KLHL26: variants seen among roughly 807,000 people sequenced by gnomAD.
The protein encoded by KLHL26 is kelch like family member 26, also known as kelch-like protein 26.
KLHL26 carries 4 observed loss-of-function variants against 7.1 expected under a neutral mutation model. The observed-to-expected ratio is 0.56, with a 90% confidence interval of 0.28 to 1.28. KLHL26 has a LOEUF of 1.28. Ranked by LOEUF, KLHL26 falls within the 50% of genes most tolerant of loss-of-function variation. The probability of loss-of-function intolerance (pLI) is 0.11; values close to 1 mark genes in which losing one functional copy is unlikely to be tolerated. For missense variants in KLHL26, 896 were observed against 924.6 expected, an observed-to-expected ratio of 0.97 and a Z score of 0.40; for synonymous variants, 465 against 414.1, an observed-to-expected ratio of 1.12 and a Z score of -1.49.
At position 18,648,449 on chromosome 19, in the gene KLHL26, G is replaced by C. The variant is rs1302542039; in HGVS notation, c.83+11312G>C. On this transcript the variant is annotated intron_variant, in intron 1 of 2. Coordinates refer to ENST00000300976, the MANE Select transcript of KLHL26 (RefSeq NM_018316.3). The surrounding 1 kb of genome is among the most constrained non-coding windows in gnomAD (Gnocchi z 4.9). ...GCACACGCAGGCTTGGGGATGCCTG[G>C]AGGTTGAGCTTGTGCTGACTGATAG... Among the ~76,000 whole-genome samples the C allele has an allele frequency of 6.6e-6, 1 of 152,202 alleles. No homozygotes were observed. The highest frequency in any genetic ancestry group is 2.4e-5 in the African/African-American group (1 of 41,460).
intron 1 of KLHL26, among the ~76,000 whole-genome samples, chr19:18,658,168 G>T (rs2052353655): frequency 6.6e-6 from 1 of 152,192 alleles, no homozygotes; most frequent in African/African-American, 2.4e-5. Flanking sequence ...CTTGGAGAGG[G>T]ATACTGAGCC....
Position 18,669,004 on chromosome 19 carries a change from C to T in KLHL26, c.1607C>T (p.Thr536Met), listed in dbSNP as rs201261086. ...VLAVEYYVPE[T>M]DQWTSVSPMR... is the part of the protein sequence containing the mutation. The stretch of plus-strand genomic sequence containing the variant: ...GCTGTGGAGTACTATGTGCCGGAGA[C>T]GGACCAGTGGACCAGCGTGAGCCCC... Residue 536 changes from threonine (T) to methionine (M), a missense_variant, in exon 3 of 3, where the codon ACG becomes ATG. By Grantham distance (81) the Thr-to-Met change is moderately conservative (BLOSUM62 -1). Transcript: ENST00000300976. The T allele has an allele frequency of 3.1e-6, 5 of 1,612,668 alleles. No homozygotes were observed. The Admixed American group carries it at 6.7e-5, about 21-fold the overall frequency.
rs80128731 is a variant in KLHL26 at position 18,658,404 on chromosome 19, C to T, written c.84-5857C>T. Among the ~76,000 whole-genome samples the T allele has an allele frequency of 2.7e-3, 405 of 152,178 alleles. 2 individuals are homozygous for T. The highest frequency in any genetic ancestry group is 4.2e-3 in the Non-Finnish European group (285 of 67,982). On this transcript the variant is annotated intron_variant, in intron 1 of 2. Transcript: ENST00000300976. ...CCCACACTGCCTGGTCGCTGTCACC[C>T]CCACCCCTGCCACCATTTCTGCTTC...
At chr19:18,642,421 G>A (rs1976730155) in intron 1 of KLHL26, among the ~76,000 whole-genome samples, 1 of 151,164 alleles carries the variant, frequency 6.6e-6, no homozygotes, top group African/African-American at 2.4e-5. Context: ...AGGCTGGAGT[G>A]CAGTGGCATG....
chr19:18,639,817 A>G (rs188735479), intron 1 of KLHL26, among the ~76,000 whole-genome samples: 131 of 152,194 alleles, frequency 8.6e-4, no homozygotes, highest in Non-Finnish European at 1.5e-3. Flanking sequence ...CTCGTCTGCA[A>G]TTAACCCTGC....
At chr19:18,639,625 A>G (rs1439601709) in intron 1 of KLHL26, among the ~76,000 whole-genome samples, 6 of 148,360 alleles carry the variant, frequency 4.0e-5, no homozygotes, top group Non-Finnish European at 8.9e-5. Context: ...GGCCAGGGTG[A>G]TCTTGAACTG....
rs1373684746 is a variant in KLHL26, at chr19:18,649,021, C to A, written c.83+11884C>A. 6.6e-6 allele frequency among the ~76,000 whole-genome samples: 1 copy of A among 152,216 alleles called. No homozygotes were observed. Among genetic ancestry groups the A allele is most frequent in the East Asian group, 1.9e-4 (1 of 5,192 alleles). ...CTACTTCTTGATGTGACCCGCTGGG[C>A]CCCTGAGCTTCCGCAGCTCTGACGG... On this transcript the variant is annotated intron_variant, in intron 1 of 2. Coordinates refer to ENST00000300976, the MANE Select transcript of KLHL26 (RefSeq NM_018316.3). The surrounding 1 kb of genome is among the most constrained non-coding windows in gnomAD (Gnocchi z 4.0).
intron 1 of KLHL26, among the ~76,000 whole-genome samples, chr19:18,654,981 G>A (rs1453612629): frequency 6.6e-6 from 1 of 152,234 alleles, no homozygotes; most frequent in Non-Finnish European, 1.5e-5. Flanking sequence ...TTGCCTGCTC[G>A]GCTTCCATGG....
At chr19:18,639,713 G>T (rs1179580247) in intron 1 of KLHL26, among the ~76,000 whole-genome samples, 1 of 151,836 alleles carries the variant, frequency 6.6e-6, no homozygotes, top group Admixed American at 6.6e-5. Context: ...CTCAACCCAG[G>T]TCATTAAGTT....
chr19:18,668,454 C>T lies in KLHL26; in HGVS notation c.1057C>T (p.His353Tyr). 1 of 1,611,338 alleles carries T rather than the reference C, an allele frequency of 6.2e-7. No individual in the cohort carries two copies. Among genetic ancestry groups the T allele is most frequent in the Non-Finnish European group, 8.5e-7 (1 of 1,179,684 alleles). ...ELTEMEVGCS[H>Y]TCVAVLDNFV... ...CACGGAGATGGAGGTAGGCTGCAGCCACACGTGCGTGGCCGTGCTGGACAA... is the reference window on the plus strand; with the variant it reads ...CACGGAGATGGAGGTAGGCTGCAGCTACACGTGCGTGGCCGTGCTGGACAA... Residue 353 changes from histidine to tyrosine, a missense_variant, in exon 3 of 3, where the codon CAC becomes TAC. Transcript: ENST00000300976.
At position 18,665,830 on chromosome 19, in the gene KLHL26, G is replaced by T. The variant is rs137954880; in HGVS notation, c.266+1387G>T. Among the ~76,000 whole-genome samples, 565 of 152,278 alleles carry T rather than the reference G, an allele frequency of 3.7e-3. 3 individuals carry two copies. The highest frequency in any genetic ancestry group is 0.013 in the African/African-American group (540 of 41,550). ...TGACCCCGCCAGAGAGAGCTGGGCC[G>T]CCCTGGGGAGGCTCCCAGGCCCCAG... On this transcript the variant is annotated intron_variant, in intron 2 of 2. Coordinates refer to ENST00000300976, the MANE Select transcript of KLHL26 (RefSeq NM_018316.3).
At position 18,668,919 on chromosome 19, in the gene KLHL26, G is replaced by A. The variant is rs1442084356; in HGVS notation, c.1522G>A (p.Gly508Ser). The A allele has an allele frequency of 1.2e-6, 2 of 1,606,782 alleles. No individual in the cohort carries two copies. The highest frequency in any genetic ancestry group is 1.1e-5 in the South Asian group (1 of 91,042). ...RVLHAMVGAGGRIYALGGRMD... is the reference protein window; with the variant it reads ...RVLHAMVGAGSRIYALGGRMD... ...GCTACACGCCATGGTGGGTGCCGGC[G>A]GCCGCATCTATGCCCTCGGGGGCCG... The change falls in exon 3 of 3, where the codon GGC (glycine) becomes AGC (serine). Residue 508 changes from glycine to serine, a missense_variant. Gly to Ser is a moderately conservative substitution (Grantham distance 56). Coordinates refer to ENST00000300976, the MANE Select transcript of KLHL26 (RefSeq NM_018316.3).
intron 1 of KLHL26, among the ~76,000 whole-genome samples, chr19:18,641,057 C>T (rs1204326038): frequency 2.6e-5 from 4 of 151,700 alleles, no homozygotes; most frequent in East Asian, 1.9e-4. Flanking sequence ...CTCACTCTGT[C>T]GCCCAGGCTG....
Position 18,650,905 on chromosome 19 carries a change from G to A in KLHL26, c.84-13356G>A, listed in dbSNP as rs1169350949. ...GGGGCTTCCTGACCCCTCAGCCCCG[G>A]TAGGAAGCTGGTGTGCACTGCAGGG... On this transcript the variant is annotated intron_variant, in intron 1 of 2. Transcript: ENST00000300976. This position sits in a 1 kb window ranked among gnomAD's most constrained non-coding sequence, Gnocchi z 4.2. Among the ~76,000 whole-genome samples the A allele has an allele frequency of 1.3e-5, 2 of 152,310 alleles. No individual in the cohort carries two copies. Among genetic ancestry groups the A allele is most frequent in the South Asian group, 2.1e-4 (1 of 4,826 alleles).
intron 1 of KLHL26, among the ~76,000 whole-genome samples, chr19:18,644,073 CT>C (rs1164474235): frequency 1.3e-5 from 2 of 152,358 alleles, no homozygotes; most frequent in African/African-American, 4.8e-5. Context: ...CACTAACCCC[CT>C]ATTCTCCATT....
chr19:18,664,967 A>G (rs973816932), intron 2 of KLHL26, among the ~76,000 whole-genome samples: 6 of 151,740 alleles, frequency 4.0e-5, no homozygotes, highest in Non-Finnish European at 8.8e-5. Context: ...TGGGCAGAAC[A>G]TGCCTGGAGG....
chr19:18,665,060 G>T (rs1366351166), intron 2 of KLHL26, among the ~76,000 whole-genome samples: 60 of 136,378 alleles, frequency 4.4e-4, no homozygotes, highest in Middle Eastern at 4.0e-3. Context: ...GATCTGTTTT[G>T]TTTTTTTTTT....
rs1384947088 is a variant in KLHL26 at position 18,671,416 on chromosome 19, C to T, written c.*2171C>T. On this transcript the variant is annotated 3_prime_UTR_variant, in exon 3 of 3. Coordinates refer to ENST00000300976, the MANE Select transcript of KLHL26 (RefSeq NM_018316.3). ...CTGAGCTCCCCCAAAGAGAACCCTT[C>T]CCCACTGGAGGCATGGCCCCTTCAG... The T allele has an allele frequency of 2.0e-5, 3 of 152,310 alleles. No homozygotes were observed. Among genetic ancestry groups the T allele is most frequent in the Non-Finnish European group, 4.4e-5 (3 of 68,098 alleles). The allele number at this position is 152,310 out of a possible 1,614,324, so 9.4% of individuals were successfully genotyped here.
rs1331839378 is a variant in KLHL26 at position 18,656,642 on chromosome 19, C to T, written c.84-7619C>T. Among the ~76,000 whole-genome samples, 3 of 149,876 alleles carry T rather than the reference C, an allele frequency of 2.0e-5. No homozygotes were observed. Among genetic ancestry groups the T allele is most frequent in the African/African-American group, 7.4e-5 (3 of 40,740 alleles). On this transcript the variant is annotated intron_variant, in intron 1 of 2. Coordinates refer to ENST00000300976, the MANE Select transcript of KLHL26 (RefSeq NM_018316.3). This position sits in a 1 kb window ranked among gnomAD's most constrained non-coding sequence, Gnocchi z 4.4. ...GGGGTCAGAGGGCATCCATGCAGGA[C>T]GCTGTGTGAGTTGGGCCAACAGGCG...
Sources: allele counts gnomAD v4.1 joint callset (sites outside exome capture counted in the v4.1 genomes callset), GRCh38; gene constraint gnomAD v4.1.1; non-coding constraint Gnocchi (gnomAD v3.1); transcripts MANE v1.5; gene names NCBI Gene and HGNC (gene_info 2026-07-23, HGNC 2026-07-21).